KIF6: variants seen among roughly 807,000 people sequenced by gnomAD.
The protein encoded by KIF6 is kinesin family member 6.
Under a neutral mutation model 112.7 loss-of-function variants are expected in KIF6, and 106 were observed. That is an observed-to-expected ratio of 0.94 (90% CI 0.80 to 1.11). KIF6 has a LOEUF of 1.11. Ranked by LOEUF, KIF6 falls within the 50% of genes least tolerant of loss-of-function variation. The pLI is 0.00. For missense variants in KIF6, 929 were observed against 964.0 expected, an observed-to-expected ratio of 0.96 and a Z score of 0.48; for synonymous variants, 339 against 339.9, an observed-to-expected ratio of 1.00 and a Z score of 0.03.
rs35218076 is a variant in KIF6 at position 39,346,466 on chromosome 6, G to T, written c.2231+10C>A. ...GACAGCTGTCTATGAACCGGGAAGGGGGTCCTCACCAGACATCGAATCTGC... is the reference window on the plus strand; with the variant it reads ...GACAGCTGTCTATGAACCGGGAAGGTGGTCCTCACCAGACATCGAATCTGC... On this transcript the variant is annotated intron_variant, in intron 20 of 22. Coordinates refer to ENST00000287152, the MANE Select transcript of KIF6 (RefSeq NM_145027.6). 0.044 allele frequency: 31,855 copies of T among 716,482 alleles called. 1,401 individuals carry two copies. The highest frequency in any genetic ancestry group is 0.18 in the African/African-American group (10,173 of 57,172). 44.4% of individuals were successfully genotyped at this position (716,482 alleles called of 1,614,324 possible).
At chr6:39,649,821 G>A (rs1373112455) in intron 3 of KIF6, among the ~76,000 whole-genome samples, 8 of 152,278 alleles carry the variant, frequency 5.3e-5, no homozygotes, top group East Asian at 1.9e-4. Flanking sequence ...TTGAAATGTC[G>A]TAAGCAATCC....
chr6:39,564,660 G>C (rs570743893), intron 10 of KIF6, among the ~76,000 whole-genome samples: 1 of 152,324 alleles, frequency 6.6e-6, no homozygotes, highest in South Asian at 2.1e-4. Flanking sequence ...ATAGTTTCAT[G>C]AGGTATCTTA....
At chr6:39,676,936 A>C (rs1787177096) in intron 3 of KIF6, among the ~76,000 whole-genome samples, 1 of 152,102 alleles carries the variant, frequency 6.6e-6, no homozygotes, top group Non-Finnish European at 1.5e-5. Context: ...AACTTGAATA[A>C]AAGTAAAAAT....
chr6:39,475,257 G>A (rs1268750991), intron 13 of KIF6, among the ~76,000 whole-genome samples: 1 of 152,148 alleles, frequency 6.6e-6, no homozygotes, highest in Non-Finnish European at 1.5e-5. Flanking sequence ...TTCTGGGGAG[G>A]AAGTGACACA....
intron 13 of KIF6, among the ~76,000 whole-genome samples, chr6:39,447,368 C>T (rs1293873079): frequency 6.6e-6 from 1 of 152,202 alleles, no homozygotes; most frequent in Non-Finnish European, 1.5e-5. Flanking sequence ...GGCTGTGGCT[C>T]CCAAACTCCT....
intron 13 of KIF6, among the ~76,000 whole-genome samples, chr6:39,486,958 A>C (rs1038934050): frequency 6.6e-6 from 1 of 152,242 alleles, no homozygotes; most frequent in Non-Finnish European, 1.5e-5. Flanking sequence ...AGACTAAAAC[A>C]GAGCCATAAC....
intron 3 of KIF6, among the ~76,000 whole-genome samples, chr6:39,651,295 G>A (rs1785456879): frequency 6.6e-6 from 1 of 152,284 alleles, no homozygotes; most frequent in South Asian, 2.1e-4. Flanking sequence ...AGGTGAAGAA[G>A]TAGGGGAGAC....
At chr6:39,646,328 C>A (rs1785171377) in intron 3 of KIF6, among the ~76,000 whole-genome samples, 1 of 151,308 alleles carries the variant, frequency 6.6e-6, no homozygotes, top group Non-Finnish European at 1.5e-5. Flanking sequence ...AAAAAAGAAA[C>A]AAAATATAGT....
intron 10 of KIF6, among the ~76,000 whole-genome samples, chr6:39,577,128 G>C (rs994274911): frequency 6.6e-6 from 1 of 152,088 alleles, no homozygotes; most frequent in African/African-American, 2.4e-5. Context: ...AAAGCCTTAG[G>C]GGCCTATCAT....
At chr6:39,460,363 G>T (rs1773385197) in intron 13 of KIF6, among the ~76,000 whole-genome samples, 1 of 99,476 alleles carries the variant, frequency 1.0e-5, no homozygotes, top group South Asian at 4.0e-4. Context: ...ATCACACTCC[G>T]GGGACTGTGG....
chr6:39,550,220 G>A (rs529522569), intron 10 of KIF6, among the ~76,000 whole-genome samples: 1 of 152,288 alleles, frequency 6.6e-6, no homozygotes, highest in African/African-American at 2.4e-5. Context: ...ATATGAACAT[G>A]TTCGTGTCAG....
intron 15 of KIF6, among the ~76,000 whole-genome samples, chr6:39,402,333 CA>C (rs1768767281): frequency 6.6e-6 from 1 of 152,160 alleles, no homozygotes; most frequent in African/African-American, 2.4e-5. Context: ...CAATTGTCCT[CA>C]ATCCTGGGTC....
At chr6:39,569,162 C>A (rs1780507571) in intron 10 of KIF6, among the ~76,000 whole-genome samples, 1 of 152,098 alleles carries the variant, frequency 6.6e-6, no homozygotes, top group Non-Finnish European at 1.5e-5. Flanking sequence ...TAACTAAAAC[C>A]ACTTTGGAGG....
At position 39,527,773 on chromosome 6, in the gene KIF6, G is replaced by A. The variant is rs138538966; in HGVS notation, c.1645+12230C>T. Among the ~76,000 whole-genome samples, 388 of 152,072 alleles carry A rather than the reference G, an allele frequency of 2.6e-3. 1 individual carries two copies. The highest frequency in any genetic ancestry group is 4.0e-3 in the Non-Finnish European group (271 of 67,992). ...ACAAATATCCCTGCCAACTCTACAC[G>A]GGTTTCCTTGTGTCCCTGCTCCCAA... On this transcript the variant is annotated intron_variant, in intron 13 of 22. Coordinates refer to ENST00000287152, the MANE Select transcript of KIF6 (RefSeq NM_145027.6).
chr6:39,473,864 A>G (rs1471386711), intron 13 of KIF6, among the ~76,000 whole-genome samples: 2 of 152,166 alleles, frequency 1.3e-5, no homozygotes, highest in African/African-American at 4.8e-5. Flanking sequence ...ATTTGGTAAC[A>G]TGAGTATGGT....
chr6:39,535,783 C>G (rs1295571009), intron 13 of KIF6, among the ~76,000 whole-genome samples: 2 of 152,102 alleles, frequency 1.3e-5, no homozygotes, highest in Non-Finnish European at 2.9e-5. Flanking sequence ...CCACACCACA[C>G]CTATTCCAAA....
chr6:39,435,536 C>T (rs575107002), intron 13 of KIF6, among the ~76,000 whole-genome samples: 88 of 151,466 alleles, frequency 5.8e-4, no homozygotes, highest in Non-Finnish European at 6.6e-4. Context: ...CCCCAAACCT[C>T]CCCCATTTGA....
At chr6:39,632,592 A>G (rs1356251499) in intron 5 of KIF6, among the ~76,000 whole-genome samples, 1 of 141,394 alleles carries the variant, frequency 7.1e-6, no homozygotes, top group Non-Finnish European at 1.5e-5. Context: ...GTACAGCAAA[A>G]AAAAAAAAAT....
At chr6:39,673,408 T>C (rs758351845) in intron 3 of KIF6, among the ~76,000 whole-genome samples, 3 of 152,216 alleles carry the variant, frequency 2.0e-5, no homozygotes, top group Non-Finnish European at 2.9e-5. Flanking sequence ...CCATTACAAG[T>C]GGTAAGTTAA....
Sources: allele counts gnomAD v4.1 joint callset (sites outside exome capture counted in the v4.1 genomes callset), GRCh38; gene constraint gnomAD v4.1.1; transcripts MANE v1.5; gene names NCBI Gene and HGNC (gene_info 2026-07-23, HGNC 2026-07-21).